ZFHX4: variants seen among roughly 807,000 people sequenced by gnomAD.
ZFHX4 encodes zinc finger homeobox 4, also known as zinc finger homeobox protein 4.
In ZFHX4, 56 loss-of-function variants were observed where a neutral mutation model predicts 267.6. That is an observed-to-expected ratio of 0.21 (90% CI 0.17 to 0.26). The LOEUF is 0.26. ZFHX4 is among the 10% of genes least tolerant of loss of function. The probability of loss-of-function intolerance (pLI) is 1.00; values close to 1 mark genes in which losing one functional copy is unlikely to be tolerated. For synonymous variants in ZFHX4, 1,778 were observed against 1,665.6 expected (o/e 1.07, Z -1.64); for missense variants, 4,332 against 4,420.0 (o/e 0.98, Z 0.56).
At chr8:76,786,395 C>T (rs917875647) in intron 4 of ZFHX4, among the ~76,000 whole-genome samples, 1 of 149,430 alleles carries the variant, frequency 6.7e-6, no homozygotes, top group African/African-American at 2.5e-5. Context: ...AGTTAGACAT[C>T]GATGATCATA....
At position 76,704,416 on chromosome 8, in the gene ZFHX4, G is replaced by A. The variant is rs2131605043; in HGVS notation, c.328G>A (p.Asp110Asn). ...TAATGCCCGCCTTCCTGTCCTGAAG[G>A]ATGACAACGAGAGCGAGATCAGCGA... ...CPNARLPVLK[D>N]DNESEISELE... The change falls in exon 2 of 11, where the codon GAT (aspartate) becomes AAT (asparagine). Residue 110 changes from aspartate (D) to asparagine (N), a missense_variant. Physicochemically the swap from Asp to Asn is conservative, Grantham distance 23. This residue lies in a region of ZFHX4 where 1,195 missense variants were observed against 1,173.6 expected (regional missense o/e 1.02). Transcript: ENST00000651372. 1.9e-6 allele frequency: 3 copies of A among 1,613,994 alleles called. No homozygotes were observed. Among genetic ancestry groups the A allele is most frequent in the Non-Finnish European group, 2.5e-6 (3 of 1,179,894 alleles).
chr8:76,846,508 C>T lies in ZFHX4; in HGVS notation c.3512-2487C>T, dbSNP rs150802715. On this transcript the variant is annotated intron_variant, in intron 6 of 10. Coordinates refer to ENST00000651372, the MANE Select transcript of ZFHX4 (RefSeq NM_024721.5). ...ATACTATAGCCAACAGTTGTTGCAACGGCCATGTGATAGTGACCCTAAAAC... is the reference window on the plus strand; with the variant it reads ...ATACTATAGCCAACAGTTGTTGCAATGGCCATGTGATAGTGACCCTAAAAC... Among the ~76,000 whole-genome samples, 1,476 of 152,088 alleles carry T rather than the reference C, an allele frequency of 9.7e-3. 22 individuals are homozygous for T. The highest frequency in any genetic ancestry group is 0.033 in the African/African-American group (1,352 of 41,490).
intron 1 of ZFHX4, among the ~76,000 whole-genome samples, chr8:76,697,992 C>A (rs571539321): frequency 1.1e-4 from 16 of 152,012 alleles, no homozygotes; most frequent in Non-Finnish European, 2.4e-4. Flanking sequence ...CAACAGCTTT[C>A]TAGTAATACT....
intron 1 of ZFHX4, among the ~76,000 whole-genome samples, chr8:76,697,038 A>T (rs1807977100): frequency 6.6e-6 from 1 of 152,036 alleles, no homozygotes; most frequent in South Asian, 2.1e-4. Flanking sequence ...GTAGATAATT[A>T]TGGTAGGTTT....
chr8:76,815,365 A>T (rs2131852225), intron 4 of ZFHX4, among the ~76,000 whole-genome samples: 1 of 152,286 alleles, frequency 6.6e-6, no homozygotes, highest in Non-Finnish European at 1.5e-5. Flanking sequence ...ATAGTTCTGC[A>T]GGCTGGGAAG....
rs753814510 is a variant in ZFHX4, at chr8:76,852,794, T to A, written c.5873T>A (p.Val1958Asp). The A allele has an allele frequency of 6.2e-7, 1 of 1,613,524 alleles. No homozygotes were observed. The highest frequency in any genetic ancestry group is 1.1e-5 in the South Asian group (1 of 90,982). ...CGTCGKLFSN[V>D]LILKSHQEHV... ...ACATGTGGTAAATTGTTTTCCAATG[T>A]TCTTATTTTAAAGAGTCACCAAGAA... is the stretch of plus-strand genomic sequence containing the variant. Residue 1958 changes from valine to aspartate, a missense_variant, in exon 10 of 11, where the codon GTT (valine) becomes GAT (aspartate). By Grantham distance (152) the Val-to-Asp change is radical. Coordinates refer to ENST00000651372, the MANE Select transcript of ZFHX4 (RefSeq NM_024721.5).
chr8:76,727,925 C>T (rs577651479), intron 3 of ZFHX4, among the ~76,000 whole-genome samples: 22 of 152,256 alleles, frequency 1.4e-4, no homozygotes, highest in Non-Finnish European at 2.9e-4. Context: ...CCTGATAGAA[C>T]TTCACCTCAC....
Position 76,855,278 on chromosome 8 carries a change from C to T in ZFHX4, c.8357C>T (p.Ala2786Val), listed in dbSNP as rs760485340. The change falls in exon 10 of 11, where the codon GCC (alanine) becomes GTC (valine). Residue 2786 changes from alanine (A) to valine (V), a missense_variant. By Grantham distance (64) the Ala-to-Val change is moderately conservative (BLOSUM62 0). This residue lies in a region of ZFHX4 where 1,648 missense variants were observed against 1,625.0 expected (regional missense o/e 1.01). Transcript: ENST00000651372. ...TCTGAGGATGTAGAGAATTTAAATG[C>T]CCCTCCTGCTGAGGCTGGGTATGAT... ...ECSEDVENLN[A>V]PPAEAGYDQN... is the part of the protein sequence containing the mutation. 11 of 1,612,380 alleles carry T rather than the reference C, an allele frequency of 6.8e-6. No individual in the cohort carries two copies. Among genetic ancestry groups the T allele is most frequent in the East Asian group, 2.2e-5 (1 of 44,836 alleles).
intron 4 of ZFHX4, among the ~76,000 whole-genome samples, chr8:76,829,058 A>T (rs971022214): frequency 5.9e-5 from 9 of 152,162 alleles, no homozygotes; most frequent in African/African-American, 2.2e-4. Context: ...CCATTATTTT[A>T]AAAATTCCAG....
In ZFHX4 at chr8:76,866,032, G is replaced by A. The variant is rs111364237; in HGVS notation, c.*1467G>A. On this transcript the variant is annotated 3_prime_UTR_variant, in exon 11 of 11. Transcript: ENST00000651372. ...TATGCTTTGCTGTTTTTCTGTTGCT[G>A]TGGAACTTAAAGAATGTGAAAGCTG... 3 of 152,684 alleles carry A rather than the reference G, an allele frequency of 2.0e-5. No homozygotes were observed. The highest frequency in any genetic ancestry group is 6.5e-5 in the Admixed American group (1 of 15,276). 9.5% of individuals were successfully genotyped at this position (152,684 alleles called of 1,614,324 possible).
intron 3 of ZFHX4, among the ~76,000 whole-genome samples, chr8:76,774,347 T>C (rs1810349950): frequency 6.6e-6 from 1 of 152,156 alleles, no homozygotes; most frequent in Non-Finnish European, 1.5e-5. Flanking sequence ...TCTTTTTCCA[T>C]CCATTTCATT....
chr8:76,839,089 G>C (rs1399405855), intron 5 of ZFHX4, among the ~76,000 whole-genome samples: 1 of 148,988 alleles, frequency 6.7e-6, no homozygotes, highest in African/African-American at 2.5e-5. Context: ...GAGAGAGAGA[G>C]AGAGAGAGAG....
In ZFHX4 at chr8:76,850,964, A is replaced by G; in HGVS notation, c.4043A>G (p.Gln1348Arg). ...AATGTGGAAGTAAAGAATGAGGAGC[A>G]GAAACCGACTAAAGAACCCTTGGAA... ...KANVEVKNEEQKPTKEPLEVS... is the reference protein window; with the variant it reads ...KANVEVKNEERKPTKEPLEVS... The change falls in exon 10 of 11, where the codon CAG becomes CGG. Residue 1348 changes from glutamine to arginine, a missense_variant. By Grantham distance (43) the Gln-to-Arg change is conservative (BLOSUM62 1). Transcript: ENST00000651372. 1 of 1,613,808 alleles carries G rather than the reference A, an allele frequency of 6.2e-7. No homozygotes were observed. Among genetic ancestry groups the G allele is most frequent in the South Asian group, 1.1e-5 (1 of 91,044 alleles).
chr8:76,847,448 CAT>C (rs781197539), intron 6 of ZFHX4, among the ~76,000 whole-genome samples: 2 of 151,622 alleles, frequency 1.3e-5, no homozygotes, highest in Non-Finnish European at 2.9e-5. Context: ...TTCTCCGACA[CAT>C]ATATATATAC....
At chr8:76,693,381 A>G (rs764364763) in intron 1 of ZFHX4, 13 of 152,230 alleles carry the variant, frequency 8.5e-5, no homozygotes, top group Non-Finnish European at 1.9e-4. Flanking sequence ...TATTAGAACC[A>G]TAGATTGTTG....
Position 76,705,727 on chromosome 8 carries a change from A to G in ZFHX4, c.1639A>G (p.Ser547Gly), listed in dbSNP as rs2131609414. The change falls in exon 2 of 11, where the codon AGT (serine) becomes GGT (glycine). Residue 547 changes from serine (S) to glycine (G), a missense_variant. Ser to Gly is a moderately conservative substitution (Grantham distance 56, BLOSUM62 0). Transcript: ENST00000651372. ...KQTAAVRASGSVASNYGISGK... is the reference protein window; with the variant it reads ...KQTAAVRASGGVASNYGISGK... ...GACTGCTGCTGTTAGGGCCAGTGGC[A>G]GTGTTGCTAGTAACTATGGCATCAG... 6.2e-7 allele frequency: 1 copy of G among 1,614,032 alleles called. No individual in the cohort carries two copies. The highest frequency in any genetic ancestry group is 8.5e-7 in the Non-Finnish European group (1 of 1,179,898).
chr8:76,752,322 A>G (rs1436730924), intron 3 of ZFHX4, among the ~76,000 whole-genome samples: 1 of 151,352 alleles, frequency 6.6e-6, no homozygotes, highest in Non-Finnish European at 1.5e-5. Flanking sequence ...ATTAACAGTG[A>G]CTTAAAAGAG....
At chr8:76,733,809 T>C (rs1809085223) in intron 3 of ZFHX4, among the ~76,000 whole-genome samples, 1 of 152,154 alleles carries the variant, frequency 6.6e-6, no homozygotes, top group Admixed American at 6.5e-5. Context: ...AGACACATGC[T>C]AATAAGAGAC....
chr8:76,851,488 T>C lies in ZFHX4; in HGVS notation c.4567T>C (p.Phe1523Leu). The C allele has an allele frequency of 1.9e-6, 3 of 1,613,862 alleles. No individual in the cohort carries two copies. Among genetic ancestry groups the C allele is most frequent in the Non-Finnish European group, 2.5e-6 (3 of 1,179,840 alleles). The change falls in exon 10 of 11, where the codon TTT becomes CTT. Residue 1523 changes from phenylalanine to leucine, a missense_variant. Phe to Leu is a conservative substitution (Grantham distance 22). Coordinates refer to ENST00000651372, the MANE Select transcript of ZFHX4 (RefSeq NM_024721.5). ...MGSEPKRTLP[F>L]RKGPNFTMEK... is the part of the protein sequence containing the mutation. ...CTCTGAACCAAAGCGGACCTTACCTTTTAGAAAAGGGCCCAATTTTACGAT... is the reference window on the plus strand; with the variant it reads ...CTCTGAACCAAAGCGGACCTTACCTCTTAGAAAAGGGCCCAATTTTACGAT...
Sources: allele counts gnomAD v4.1 joint callset (sites outside exome capture counted in the v4.1 genomes callset), GRCh38; gene constraint gnomAD v4.1.1; regional missense constraint gnomAD v4.1.1; transcripts MANE v1.5; gene names NCBI Gene and HGNC (gene_info 2026-07-23, HGNC 2026-07-21).